Variants in SYT16 observed in about 807,000 individuals in gnomAD.
The protein encoded by SYT16 is synaptotagmin-16.
A neutral mutation model predicts 61.4 loss-of-function variants in SYT16; 42 were observed. The ratio of observed to expected loss-of-function variants is 0.68; its 90% CI spans 0.53 to 0.89. The LOEUF (loss-of-function observed/expected upper bound fraction) is 0.89. Ranked by LOEUF, SYT16 falls within the 40% of genes least tolerant of loss-of-function variation. SYT16 has a pLI of 0.00. For missense variants in SYT16, 804 were observed against 807.3 expected, an observed-to-expected ratio of 1.00 and a Z score of 0.05; for synonymous variants, 314 against 302.3, an observed-to-expected ratio of 1.04 and a Z score of -0.40.
At chr14:62,054,465 A>G (rs1418902478) in intron 3 of SYT16, among the ~76,000 whole-genome samples, 2 of 151,460 alleles carry the variant, frequency 1.3e-5, no homozygotes, top group Non-Finnish European at 2.9e-5. Flanking sequence ...GGCTCAAGCA[A>G]TCCTCCCACC....
chr14:62,045,707 G>GT (rs1555375391), intron 3 of SYT16, among the ~76,000 whole-genome samples: 1 of 151,956 alleles, frequency 6.6e-6, no homozygotes, highest in East Asian at 1.9e-4. Context: ...GCGGTGTTTG[G>GT]TTTTTTGTCC....
chr14:61,895,048 G>A (rs2048278785), intron 1 of SYT16, among the ~76,000 whole-genome samples: 1 of 152,126 alleles, frequency 6.6e-6, no homozygotes. Context: ...ACTGCTTGCA[G>A]TGCAGAACGG....
rs76316424 is a variant in SYT16 at position 62,037,066 on chromosome 14, C to T, written c.524-32537C>T. On this transcript the variant is annotated intron_variant, in intron 3 of 7. Transcript: ENST00000683842. The stretch of plus-strand genomic sequence containing the variant: ...ATGGCAAAAGAGGACTGAAAAGCCT[C>T]CACTGTATGCAGCAACTAGGAACAA... 4.4e-3 allele frequency among the ~76,000 whole-genome samples: 666 copies of T among 152,270 alleles called. 4 individuals are homozygous for T. The highest frequency in any genetic ancestry group is 0.017 in the Middle Eastern group (5 of 294).
At chr14:61,879,530 C>T (rs2047620004) in intron 1 of SYT16, among the ~76,000 whole-genome samples, 1 of 152,158 alleles carries the variant, frequency 6.6e-6, no homozygotes, top group South Asian at 2.1e-4. Flanking sequence ...CCCCAGTTTC[C>T]ATGGGTCCCT....
At chr14:61,857,105 A>G (rs377488544) in intron 1 of SYT16, among the ~76,000 whole-genome samples, 4 of 152,236 alleles carry the variant, frequency 2.6e-5, no homozygotes, top group South Asian at 2.1e-4. Flanking sequence ...GAAAGAAGAA[A>G]GCCAATAAAG....
chr14:62,011,287 T>G (rs2053439243), intron 3 of SYT16, among the ~76,000 whole-genome samples: 2 of 152,142 alleles, frequency 1.3e-5, no homozygotes, highest in Non-Finnish European at 2.9e-5. Context: ...AATCTCTACT[T>G]CCATCTGAGC....
chr14:62,100,390 T>G lies in SYT16; in HGVS notation c.1625-4T>G, dbSNP rs1316322106. 1.9e-6 allele frequency: 3 copies of G among 1,590,432 alleles called. No homozygotes were observed. Among genetic ancestry groups the G allele is most frequent in the Non-Finnish European group, 2.6e-6 (3 of 1,167,580 alleles). ...CCCACCCCACCCTTTTTTTTTTGTC[T>G]TAGATACATATGGAAAACTCTTTCT... On this transcript the variant is annotated splice_region_variant and splice_polypyrimidine_tract_variant and intron_variant, in intron 7 of 7. Coordinates refer to ENST00000683842, the MANE Select transcript of SYT16 (RefSeq NM_001367656.1).
intron 1 of SYT16, among the ~76,000 whole-genome samples, chr14:61,937,068 A>G (rs2050011425): frequency 6.6e-6 from 1 of 152,256 alleles, no homozygotes; most frequent in South Asian, 2.1e-4. Flanking sequence ...GAACGGTGCT[A>G]TCACTTGCTT....
At chr14:61,969,480 G>C (rs1008670635) in intron 1 of SYT16, among the ~76,000 whole-genome samples, 9 of 152,126 alleles carry the variant, frequency 5.9e-5, no homozygotes, top group Admixed American at 4.6e-4. Context: ...ATGAGGAGGA[G>C]GAGGGGAAGG....
chr14:61,984,310 T>C (rs935014752), intron 2 of SYT16, among the ~76,000 whole-genome samples: 3 of 152,184 alleles, frequency 2.0e-5, no homozygotes, highest in Admixed American at 2.0e-4. Context: ...TTAATTTTAA[T>C]AACATTTTAG....
chr14:61,979,868 G>A (rs954601763), intron 2 of SYT16, among the ~76,000 whole-genome samples: 4 of 152,068 alleles, frequency 2.6e-5, no homozygotes, highest in African/African-American at 9.7e-5. Flanking sequence ...GCGACAGAGC[G>A]AGACTCTGTC....
Position 62,102,266 on chromosome 14 carries a change from A to T in SYT16, c.*1559A>T, listed in dbSNP as rs2141026384. ...ACATATTTATTCCTTACAGTGTGTAATGGTTATCCTGACAAGACCAGACTA... is the reference window on the plus strand; with the variant it reads ...ACATATTTATTCCTTACAGTGTGTATTGGTTATCCTGACAAGACCAGACTA... On this transcript the variant is annotated 3_prime_UTR_variant, in exon 8 of 8. Transcript: ENST00000683842. 6.6e-6 allele frequency: 1 copy of T among 152,344 alleles called. No homozygotes were observed. Among genetic ancestry groups the T allele is most frequent in the African/African-American group, 2.4e-5 (1 of 41,572 alleles). 9.4% of individuals were successfully genotyped at this position (152,344 alleles called of 1,614,324 possible).
intron 1 of SYT16, among the ~76,000 whole-genome samples, chr14:61,917,352 A>G (rs148369309): frequency 0.013 from 1,921 of 152,256 alleles, 28 homozygotes; most frequent in African/African-American, 0.042. Flanking sequence ...TCAGTGGCCT[A>G]TTCATCCTCT....
At chr14:61,853,099 A>G (rs987766898) in intron 1 of SYT16, among the ~76,000 whole-genome samples, 10 of 152,062 alleles carry the variant, frequency 6.6e-5, no homozygotes, top group African/African-American at 2.4e-4. Context: ...TTGTATTTTT[A>G]GTAGAGATGG....
intron 1 of SYT16, among the ~76,000 whole-genome samples, chr14:61,932,444 G>A (rs1307834130): frequency 6.6e-6 from 1 of 152,228 alleles, no homozygotes; most frequent in Non-Finnish European, 1.5e-5. Flanking sequence ...CGTGGTGGAA[G>A]GGGAAGCAGG....
At chr14:62,007,208 A>G (rs780136041) in intron 3 of SYT16, among the ~76,000 whole-genome samples, 1 of 152,170 alleles carries the variant, frequency 6.6e-6, no homozygotes, top group Non-Finnish European at 1.5e-5. Context: ...TCTACAGGAT[A>G]TACTACTGCA....
chr14:61,897,454 T>C (rs2048364423), intron 1 of SYT16: 1 of 152,176 alleles, frequency 6.6e-6, no homozygotes, highest in Non-Finnish European at 1.5e-5. Flanking sequence ...CTGTGTCAGC[T>C]CCACCCCTCA....
intron 3 of SYT16, among the ~76,000 whole-genome samples, chr14:62,000,016 C>G (rs545372007): frequency 7.2e-4 from 105 of 145,128 alleles, no homozygotes; most frequent in Middle Eastern, 3.9e-3. Flanking sequence ...ATTGTATATT[C>G]TGTTACTGGA....
intron 1 of SYT16, among the ~76,000 whole-genome samples, chr14:61,879,163 A>G (rs889671648): frequency 1.3e-5 from 2 of 152,236 alleles, no homozygotes; most frequent in South Asian, 2.1e-4. Flanking sequence ...AGGGCCAGCC[A>G]TATCCCAGCT....
Sources: gnomAD v4.1 joint callset for allele counts (sites outside exome capture counted in the v4.1 genomes callset) on GRCh38, gnomAD v4.1.1 for gene constraint, MANE v1.5 for transcripts, NCBI Gene and HGNC (gene_info 2026-07-23, HGNC 2026-07-21) for gene names.